PTN: variants seen among roughly 807,000 people sequenced by gnomAD.
PTN encodes the protein pleiotrophin.
PTN carries 18 observed loss-of-function variants against 24.1 expected under a neutral mutation model. The ratio of observed to expected loss-of-function variants is 0.75; its 90% CI spans 0.52 to 1.11. PTN has a LOEUF of 1.11. Among genes scored for constraint, PTN ranks in the 50% least tolerant of loss-of-function variants. The pLI is 0.00. For synonymous variants in PTN, 78 were observed against 68.6 expected (o/e 1.14, Z -0.67); for missense variants, 163 against 198.8 (o/e 0.82, Z 1.08).
intron 1 of PTN, among the ~76,000 whole-genome samples, chr7:137,337,475 A>C (rs1325423102): frequency 6.6e-6 from 1 of 152,198 alleles, no homozygotes; most frequent in Admixed American, 6.5e-5. Context: ...TGAAAAAATA[A>C]ATGTGAAACA....
At chr7:137,328,687 T>C (rs1046113370) in intron 1 of PTN, among the ~76,000 whole-genome samples, 8 of 152,130 alleles carry the variant, frequency 5.3e-5, no homozygotes, top group African/African-American at 1.9e-4. Context: ...GACACCCTCC[T>C]GCTTGTACTC....
chr7:137,259,831 C>T (rs991906326), intron 1 of PTN, among the ~76,000 whole-genome samples: 2 of 151,748 alleles, frequency 1.3e-5, no homozygotes, highest in African/African-American at 4.8e-5. Flanking sequence ...CTTTTGAGTT[C>T]GCTGAAGTCA....
intron 1 of PTN, among the ~76,000 whole-genome samples, chr7:137,279,364 T>C (rs1809427408): frequency 6.6e-6 from 1 of 152,216 alleles, no homozygotes; most frequent in African/African-American, 2.4e-5. Context: ...TCAATATTAT[T>C]TCCTGATGAA....
chr7:137,251,489 A>G (rs1432017651), intron 3 of PTN, 98 bp from the exon 4 acceptor site: 3 of 1,310,642 alleles, frequency 2.3e-6, no homozygotes, highest in Non-Finnish European at 3.2e-6. Flanking sequence ...TTTTATTGAA[A>G]TAATTATAGA....
chr7:137,247,017 A>G (rs1808734830), intron 4 of PTN, among the ~76,000 whole-genome samples: 1 of 152,212 alleles, frequency 6.6e-6, no homozygotes, highest in Admixed American at 6.5e-5. Context: ...CCAGTGTCCA[A>G]TTCAAAATTA....
rs141685801 is a variant in PTN at position 137,314,035 on chromosome 7, T to C, written c.-2+29404A>G. 2.7e-3 allele frequency among the ~76,000 whole-genome samples: 414 copies of C among 152,258 alleles called. 3 individuals are homozygous for C. Among genetic ancestry groups the C allele is most frequent in the African/African-American group, 9.0e-3 (372 of 41,560 alleles). ...CTCACCTATTTTATTTTATTTTATG[T>C]ATTATTTATTATATTTTCATCTATA... On this transcript the variant is annotated intron_variant, in intron 1 of 4. Transcript: ENST00000348225.
intron 4 of PTN, among the ~76,000 whole-genome samples, chr7:137,242,709 C>T (rs1411452830): frequency 2.0e-5 from 3 of 152,182 alleles, no homozygotes; most frequent in African/African-American, 7.2e-5. Context: ...TCACTGGAGC[C>T]TCCCACACAA....
At chr7:137,322,533 T>A (rs1030829124) in intron 1 of PTN, among the ~76,000 whole-genome samples, 2 of 152,196 alleles carry the variant, frequency 1.3e-5, no homozygotes, top group Non-Finnish European at 2.9e-5. Flanking sequence ...TGGTTTTTTT[T>A]ATGACCTATC....
At chr7:137,278,866 G>A (rs190012183) in intron 1 of PTN, among the ~76,000 whole-genome samples, 1,578 of 151,202 alleles carry the variant, frequency 0.01, 20 homozygotes, top group African/African-American at 0.036. Flanking sequence ...GCGTGAACCC[G>A]GGAGGCAGAG....
intron 4 of PTN, among the ~76,000 whole-genome samples, chr7:137,235,836 C>A (rs975380551): frequency 3.7e-4 from 56 of 152,224 alleles, no homozygotes; most frequent in African/African-American, 1.3e-3. Context: ...ACTATCTGCT[C>A]TTCTGCACTC....
intron 4 of PTN, among the ~76,000 whole-genome samples, chr7:137,236,773 C>T (rs1417371459): frequency 6.6e-6 from 1 of 152,076 alleles, no homozygotes; most frequent in Admixed American, 6.6e-5. Context: ...TTATTATAAA[C>T]TATTGTAAAT....
At chr7:137,326,153 A>G (rs1346891042) in intron 1 of PTN, 1 of 152,148 alleles carries the variant, frequency 6.6e-6, no homozygotes, top group Non-Finnish European at 1.5e-5. Context: ...GCCTGAGGCT[A>G]CTTCTCATTG....
In PTN at chr7:137,343,609, C is replaced by T. The variant is rs754155655; in HGVS notation, c.-172G>A. ...TGGTCTCTTTCTTCCCCTCTCTCCA[C>T]TTTGGATTTTCCTCTGCTCTGGGGC... On this transcript the variant is annotated 5_prime_UTR_variant, in exon 1 of 5. In the 5' UTR this introduces an upstream ATG that the reference lacks. Coordinates refer to ENST00000348225, the MANE Select transcript of PTN (RefSeq NM_002825.7). The T allele has an allele frequency of 3.9e-6, 2 of 518,980 alleles. No homozygotes were observed. Among genetic ancestry groups the T allele is most frequent in the South Asian group, 2.8e-5 (2 of 71,588 alleles). The allele number at this position is 518,980 out of a possible 1,614,324, so 32.1% of individuals were successfully genotyped here. A position where few individuals can be genotyped will look rare whatever the true frequency, so the allele number is the denominator to read the frequency against.
At chr7:137,287,256 A>C (rs12536916) in intron 1 of PTN, among the ~76,000 whole-genome samples, 11,862 of 152,204 alleles carry the variant, frequency 0.078, 686 homozygotes, top group African/African-American at 0.16. Flanking sequence ...CAATTTATGA[A>C]CAATTTGCTG....
At chr7:137,286,806 G>C (rs145894431) in intron 1 of PTN, among the ~76,000 whole-genome samples, 1 of 152,126 alleles carries the variant, frequency 6.6e-6, no homozygotes, top group Non-Finnish European at 1.5e-5. Context: ...CTTCTTCAAA[G>C]CATGTTTCCA....
intron 4 of PTN, among the ~76,000 whole-genome samples, chr7:137,246,452 G>A (rs1355160129): frequency 2.0e-5 from 3 of 152,180 alleles, no homozygotes; most frequent in Non-Finnish European, 2.9e-5. Context: ...CTGTTGTTAA[G>A]TGACACATGA....
At chr7:137,334,008 G>C (rs923661671) in intron 1 of PTN, among the ~76,000 whole-genome samples, 7 of 152,130 alleles carry the variant, frequency 4.6e-5, no homozygotes, top group Non-Finnish European at 1.0e-4. Flanking sequence ...GCTGAAACTG[G>C]ATCCCTTCCT....
intron 1 of PTN, among the ~76,000 whole-genome samples, chr7:137,280,546 G>A (rs17603449): frequency 0.019 from 2,866 of 151,000 alleles, 39 homozygotes; most frequent in African/African-American, 0.026. Flanking sequence ...CAAGCAAAGA[G>A]AGCAAACAGA....
At chr7:137,342,714 G>T (rs1247958934) in intron 1 of PTN, among the ~76,000 whole-genome samples, 1 of 152,106 alleles carries the variant, frequency 6.6e-6, no homozygotes, top group Non-Finnish European at 1.5e-5. Flanking sequence ...TAGTAAATTA[G>T]TAACAAATAT....
Sources: allele counts gnomAD v4.1 joint callset (sites outside exome capture counted in the v4.1 genomes callset), GRCh38; gene constraint gnomAD v4.1.1; transcripts MANE v1.5; gene names NCBI Gene and HGNC (gene_info 2026-07-23, HGNC 2026-07-21).